Variants in FSTL4 observed in about 807,000 individuals in gnomAD.
FSTL4 encodes follistatin-related protein 4.
FSTL4 carries 28 observed loss-of-function variants against 78.2 expected under a neutral mutation model. That is an observed-to-expected ratio of 0.36 (90% CI 0.27 to 0.49). FSTL4 has a LOEUF of 0.49. Ranked by LOEUF, FSTL4 falls within the 20% of genes least tolerant of loss-of-function variation. The pLI is 0.98. For missense variants in FSTL4, 922 were observed against 1,084.9 expected, an observed-to-expected ratio of 0.85 and a Z score of 2.11; for synonymous variants, 422 against 440.5, an observed-to-expected ratio of 0.96 and a Z score of 0.53.
chr5:133,556,750 G>A (rs1759796338), intron 3 of FSTL4, among the ~76,000 whole-genome samples: 1 of 152,012 alleles, frequency 6.6e-6, no homozygotes, highest in Non-Finnish European at 1.5e-5. Flanking sequence ...GCCACCCCAT[G>A]CCCATTTAGA....
chr5:133,245,032 A>G (rs1471968348), intron 7 of FSTL4, among the ~76,000 whole-genome samples: 1 of 149,998 alleles, frequency 6.7e-6, no homozygotes, highest in Non-Finnish European at 1.5e-5. Context: ...TGATGGGAGG[A>G]TCGCTTGAGC....
chr5:133,736,998 G>A, the FSTL4 span, among the ~76,000 whole-genome samples: 1 of 152,022 alleles, frequency 6.6e-6, no homozygotes, highest in Non-Finnish European at 1.5e-5. Flanking sequence ...TTTAATATAG[G>A]CATGCAATGT....
chr5:133,557,703 G>A (rs1561468363), intron 3 of FSTL4, among the ~76,000 whole-genome samples: 1 of 152,210 alleles, frequency 6.6e-6, no homozygotes, highest in Admixed American at 6.5e-5. Context: ...GGAACCCCCA[G>A]AGAGGGGCAA....
In FSTL4 at chr5:133,200,670, G is replaced by A. The variant is rs146997309; in HGVS notation, c.1827-873C>T. Among the ~76,000 whole-genome samples the A allele has an allele frequency of 1.3e-4, 20 of 152,322 alleles. No individual in the cohort carries two copies. The East Asian group carries it at 3.5e-3, about 26-fold the overall frequency. On this transcript the variant is annotated intron_variant, in intron 15 of 15. Coordinates refer to ENST00000265342, the MANE Select transcript of FSTL4 (RefSeq NM_015082.2). ...GGAAGTATGGAAAAGCCTGACTCCA[G>A]GCAGGACTTCCCTTTGATCTTGAGA...
Position 133,240,180 on chromosome 5 carries a change from C to G in FSTL4, c.895-6643G>C, listed in dbSNP as rs182094196. On this transcript the variant is annotated intron_variant, in intron 7 of 15. Coordinates refer to ENST00000265342, the MANE Select transcript of FSTL4 (RefSeq NM_015082.2). ...AGAAGGAAGAAACTCCAAACGCATC[C>G]GAGCATCAGAAGGAACAAACTCTGG... Among the ~76,000 whole-genome samples, 110 of 152,246 alleles carry G rather than the reference C, an allele frequency of 7.2e-4. 2 individuals carry two copies. Among genetic ancestry groups the G allele is most frequent in the Middle Eastern group, 3.4e-3 (1 of 294 alleles).
At chr5:133,473,490 G>A (rs1015484269) in intron 3 of FSTL4, among the ~76,000 whole-genome samples, 3 of 152,196 alleles carry the variant, frequency 2.0e-5, no homozygotes, top group African/African-American at 4.8e-5. Context: ...CACCACACAT[G>A]CAGTGTGTGG....
intron 3 of FSTL4, among the ~76,000 whole-genome samples, chr5:133,510,780 C>A (rs1758714384): frequency 6.6e-6 from 1 of 152,104 alleles, no homozygotes; most frequent in Non-Finnish European, 1.5e-5. Context: ...TGTCCTCTGC[C>A]TCTACCGGTG....
intron 1 of FSTL4, among the ~76,000 whole-genome samples, chr5:133,609,420 G>A (rs1761042522): frequency 1.3e-5 from 2 of 151,986 alleles, no homozygotes; most frequent in African/African-American, 4.8e-5. Flanking sequence ...TTTAAAGGGG[G>A]AAAAAAAGCC....
chr5:133,604,751 C>G (rs1305965792), intron 1 of FSTL4, among the ~76,000 whole-genome samples: 1 of 152,118 alleles, frequency 6.6e-6, no homozygotes, highest in African/African-American at 2.4e-5. Flanking sequence ...ACATCTCTGG[C>G]ACCTCATTTG....
chr5:133,710,066 G>A, the FSTL4 span, among the ~76,000 whole-genome samples: 1 of 152,234 alleles, frequency 6.6e-6, no homozygotes, highest in South Asian at 2.1e-4. Flanking sequence ...ACGCTGGCAT[G>A]GATGGGCTCA....
At chr5:133,639,745 G>T in the FSTL4 span, among the ~76,000 whole-genome samples, 1 of 152,152 alleles carries the variant, frequency 6.6e-6, no homozygotes, top group Non-Finnish European at 1.5e-5. Context: ...CCATGTTCAG[G>T]AGGTCCCATA....
intron 1 of FSTL4, 110 bp from the exon 2 acceptor site, chr5:133,604,103 C>T: frequency 1.3e-6 from 1 of 762,954 alleles, no homozygotes; most frequent in Non-Finnish European, 2.2e-6. Flanking sequence ...GGTTTAAATC[C>T]TGGCACCAAA....
At chr5:133,752,576 C>G in the FSTL4 span, among the ~76,000 whole-genome samples, 1 of 151,950 alleles carries the variant, frequency 6.6e-6, no homozygotes, top group Admixed American at 6.5e-5. Context: ...CGCCACTGTA[C>G]TCCAGCCTAG....
At chr5:133,505,390 A>C (rs1197431495) in intron 3 of FSTL4, among the ~76,000 whole-genome samples, 1 of 152,220 alleles carries the variant, frequency 6.6e-6, no homozygotes, top group Non-Finnish European at 1.5e-5. Flanking sequence ...TGAATAAATG[A>C]GCACCCTCAA....
intron 2 of FSTL4, among the ~76,000 whole-genome samples, chr5:133,602,329 T>A (rs558252281): frequency 1.6e-4 from 24 of 152,284 alleles, no homozygotes; most frequent in African/African-American, 5.8e-4. Context: ...CTCCTTCTTG[T>A]TGGCACACAA....
At chr5:133,495,945 G>A (rs1165848919) in intron 3 of FSTL4, among the ~76,000 whole-genome samples, 1 of 152,178 alleles carries the variant, frequency 6.6e-6, no homozygotes, top group Non-Finnish European at 1.5e-5. Context: ...CATAAACGCA[G>A]GGACAGTGGC....
intron 3 of FSTL4, among the ~76,000 whole-genome samples, chr5:133,448,981 C>T (rs894173065): frequency 1.3e-5 from 2 of 152,056 alleles, no homozygotes. Flanking sequence ...TGACAACTCC[C>T]AGATAACATT....
chr5:133,300,375 A>G (rs1753507210), intron 6 of FSTL4, among the ~76,000 whole-genome samples: 1 of 152,162 alleles, frequency 6.6e-6, no homozygotes, highest in Non-Finnish European at 1.5e-5. Flanking sequence ...TTTAACCTGT[A>G]GTACTTTTAG....
At position 133,286,088 on chromosome 5, in the gene FSTL4, A is replaced by G. The variant is rs770708639; in HGVS notation, c.727+26566T>C. ...TAGGTGTGTGTGTGACATGGTCACG[A>G]CACAAGGCTGACCTCTAAGCATCCC... On this transcript the variant is annotated intron_variant, in intron 6 of 15. Coordinates refer to ENST00000265342, the MANE Select transcript of FSTL4 (RefSeq NM_015082.2). Among the ~76,000 whole-genome samples, 76 of 152,320 alleles carry G rather than the reference A, an allele frequency of 5.0e-4. 1 individual carries two copies. Among genetic ancestry groups the G allele is most frequent in the Middle Eastern group, 3.4e-3 (1 of 294 alleles).
Sources: gnomAD v4.1 joint callset for allele counts (sites outside exome capture counted in the v4.1 genomes callset) on GRCh38, gnomAD v4.1.1 for gene constraint, MANE v1.5 for transcripts, NCBI Gene and HGNC (gene_info 2026-07-23, HGNC 2026-07-21) for gene names.